The following ADAM10 variants were observed in gnomAD, a reference collection of about 807,000 sequenced individuals.
The protein encoded by ADAM10 is disintegrin and metalloproteinase domain-containing protein 10.
ADAM10 carries 17 observed loss-of-function variants against 90.1 expected under a neutral mutation model. That is an observed-to-expected ratio of 0.19 (90% CI 0.13 to 0.28). ADAM10 has a LOEUF of 0.28. Among genes scored for constraint, ADAM10 ranks in the 10% least tolerant of loss-of-function variants. ADAM10 has a pLI of 1.00. For missense variants in ADAM10, 610 were observed against 914.3 expected (o/e 0.67, Z 4.29); for synonymous variants, 310 against 298.6 (o/e 1.04, Z -0.40).
intron 5 of ADAM10, among the ~76,000 whole-genome samples, chr15:58,655,711 G>GTGTGTGTATATATATATATA (rs1212041296): frequency 1.9e-4 from 10 of 53,710 alleles, no homozygotes; most frequent in Admixed American, 1.7e-3. Flanking sequence ...TATATATATA[G>GTGTGTGTATATATATATATA]TATATATATA....
intron 2 of ADAM10, among the ~76,000 whole-genome samples, chr15:58,688,757 A>C (rs1897680415): frequency 9.2e-6 from 1 of 108,844 alleles, no homozygotes; most frequent in Admixed American, 8.9e-5. Context: ...TCTAAAATGA[A>C]AAAAAAAATT....
At chr15:58,599,294 C>A (rs1895046620) in intron 15 of ADAM10, among the ~76,000 whole-genome samples, 1 of 149,830 alleles carries the variant, frequency 6.7e-6, no homozygotes, top group African/African-American at 2.5e-5. Flanking sequence ...ATAATCATGG[C>A]AAGGGAATAT....
At chr15:58,698,405 C>T (rs1807942) in intron 2 of ADAM10, 3 of 93,006 alleles carry the variant, frequency 3.2e-5, no homozygotes, top group South Asian at 1.9e-4. Flanking sequence ...AACCCCATCT[C>T]TAAAAAAAAA....
At chr15:58,715,197 G>A (rs539819495) in intron 2 of ADAM10, among the ~76,000 whole-genome samples, 126 of 152,044 alleles carry the variant, frequency 8.3e-4, no homozygotes, top group Non-Finnish European at 1.5e-3. Context: ...CGAGGTGAGC[G>A]GATCACTTGA....
chr15:58,637,167 T>C (rs944782587), intron 8 of ADAM10, among the ~76,000 whole-genome samples: 12 of 152,216 alleles, frequency 7.9e-5, no homozygotes, highest in African/African-American at 2.9e-4. Context: ...AATTTTAATA[T>C]GTAATATCAA....
At chr15:58,722,382 C>CA (rs1282895593) in intron 1 of ADAM10, among the ~76,000 whole-genome samples, 12 of 151,038 alleles carry the variant, frequency 7.9e-5, no homozygotes, top group Admixed American at 5.9e-4. Context: ...ATAAATAATA[C>CA]AAAAAAACTA....
In ADAM10 at chr15:58,592,844, A is replaced by G. The variant is rs1003744586; in HGVS notation, c.*4703T>C. On this transcript the variant is annotated 3_prime_UTR_variant, in exon 16 of 16. Coordinates refer to ENST00000260408, the MANE Select transcript of ADAM10 (RefSeq NM_001110.4). ...CATAATTTTTATCAATGTCCCTCAA[A>G]AAACCTTTACCCCAACAATTCCACT... The G allele has an allele frequency of 6.6e-6, 1 of 150,960 alleles. No homozygotes were observed. The highest frequency in any genetic ancestry group is 1.5e-5 in the Non-Finnish European group (1 of 67,790). The allele number at this position is 150,960 out of a possible 1,614,324, so 9.4% of individuals were successfully genotyped here.
intron 2 of ADAM10, among the ~76,000 whole-genome samples, chr15:58,711,371 T>C (rs1227465974): frequency 6.6e-6 from 1 of 152,238 alleles, no homozygotes; most frequent in East Asian, 1.9e-4. Flanking sequence ...TGTAGAATTT[T>C]AAAGCATAAA....
intron 1 of ADAM10, among the ~76,000 whole-genome samples, chr15:58,727,629 C>A (rs1899085563): frequency 6.6e-6 from 1 of 152,112 alleles, no homozygotes; most frequent in Non-Finnish European, 1.5e-5. Context: ...GACACGCCAG[C>A]CTTGTTATTT....
chr15:58,600,232 G>GGA (rs2048566658), intron 14 of ADAM10, among the ~76,000 whole-genome samples: 2 of 152,050 alleles, frequency 1.3e-5, no homozygotes, highest in South Asian at 4.1e-4. Flanking sequence ...AACTACAAAA[G>GGA]GATCTCCTCT....
At chr15:58,680,509 G>A (rs920782465) in intron 3 of ADAM10, among the ~76,000 whole-genome samples, 34 of 152,194 alleles carry the variant, frequency 2.2e-4, no homozygotes, top group Non-Finnish European at 3.1e-4. Flanking sequence ...TAAAGATATT[G>A]GACAAAGATT....
intron 2 of ADAM10, among the ~76,000 whole-genome samples, chr15:58,713,878 T>G (rs184083404): frequency 6.6e-6 from 1 of 152,056 alleles, no homozygotes; most frequent in African/African-American, 2.4e-5. Flanking sequence ...AGTGGCGTGA[T>G]CTCGGCTCAC....
chr15:58,674,150 T>C (rs1897261811), intron 4 of ADAM10, among the ~76,000 whole-genome samples: 1 of 152,204 alleles, frequency 6.6e-6, no homozygotes, highest in Admixed American at 6.5e-5. Flanking sequence ...TTTCGGCTTC[T>C]GTGCCTGTGA....
At chr15:58,684,010 T>A (rs1480814752) in intron 2 of ADAM10, among the ~76,000 whole-genome samples, 1 of 151,998 alleles carries the variant, frequency 6.6e-6, no homozygotes, top group Admixed American at 6.6e-5. Flanking sequence ...ATATAACAAA[T>A]GTATTTGTAG....
At chr15:58,611,683 A>G in intron 12 of ADAM10, 125 bp downstream of exon 12, 2 of 873,528 alleles carry the variant, frequency 2.3e-6, no homozygotes, top group Non-Finnish European at 3.5e-6. Flanking sequence ...TGGTTTTGTG[A>G]GGGAATATTA....
chr15:58,652,647 T>C (rs1327442246), intron 5 of ADAM10, among the ~76,000 whole-genome samples: 1 of 152,180 alleles, frequency 6.6e-6, no homozygotes, highest in Non-Finnish European at 1.5e-5. Context: ...AGCGCTACAG[T>C]ATAATCTGAA....
At chr15:58,632,663 T>C (rs547204401) in intron 9 of ADAM10, among the ~76,000 whole-genome samples, 2 of 152,348 alleles carry the variant, frequency 1.3e-5, no homozygotes, top group East Asian at 1.9e-4. Flanking sequence ...TTGTGTATGT[T>C]AGAATTTTTT....
intron 13 of ADAM10, chr15:58,610,738 G>T: frequency 4.6e-6 from 3 of 648,812 alleles, no homozygotes; most frequent in Non-Finnish European, 8.2e-6. Flanking sequence ...CAGTGTCCAC[G>T]ATGACTTAAA....
intron 1 of ADAM10, among the ~76,000 whole-genome samples, chr15:58,719,280 T>C (rs1898766135): frequency 6.6e-6 from 1 of 152,022 alleles, no homozygotes; most frequent in Admixed American, 6.6e-5. Context: ...GCCGAGATCA[T>C]GCCATTGCAC....
Sources: allele counts gnomAD v4.1 joint callset (sites outside exome capture counted in the v4.1 genomes callset), GRCh38; gene constraint gnomAD v4.1.1; transcripts MANE v1.5; gene names NCBI Gene and HGNC (gene_info 2026-07-23, HGNC 2026-07-21).